The following VOPP1 variants were observed in gnomAD, a reference collection of about 807,000 sequenced individuals.
VOPP1 encodes the protein VOPP1 WW domain binding protein.
A neutral mutation model predicts 23.5 loss-of-function variants in VOPP1; 8 were observed. That is an observed-to-expected ratio of 0.34 (90% CI 0.20 to 0.61). VOPP1 has a LOEUF of 0.61. Ranked by LOEUF, VOPP1 falls within the 20% of genes least tolerant of loss-of-function variation. The pLI, the probability that VOPP1 is intolerant of heterozygous loss-of-function variation, is 0.78. For missense variants in VOPP1, 174 were observed against 238.1 expected, an observed-to-expected ratio of 0.73 and a Z score of 1.77; for synonymous variants, 83 against 97.3, an observed-to-expected ratio of 0.85 and a Z score of 0.86.
chr7:55,536,358 G>A lies in VOPP1; in HGVS notation c.55-15228C>T, dbSNP rs373832886. On this transcript the variant is annotated intron_variant, in intron 1 of 4. Coordinates refer to ENST00000285279, the MANE Select transcript of VOPP1 (RefSeq NM_030796.5). Reference sequence around the variant, plus strand: ...AACCTGGCCAACATGGTGAAACCCCGTCTCTACTAAAAATACAAAAATTAG... The same window carrying A: ...AACCTGGCCAACATGGTGAAACCCCATCTCTACTAAAAATACAAAAATTAG... 1.8e-4 allele frequency among the ~76,000 whole-genome samples: 27 copies of A among 152,160 alleles called. No individual in the cohort carries two copies. In the East Asian group the frequency reaches 2.1e-3, roughly 12 times the overall value.
intron 4 of VOPP1, among the ~76,000 whole-genome samples, chr7:55,436,631 C>CGT (rs375341872): frequency 2.2e-5 from 3 of 134,904 alleles, no homozygotes; most frequent in Non-Finnish European, 3.3e-5. Flanking sequence ...TGTGTGTGTG[C>CGT]GTGTGTGTGC....
At chr7:55,539,040 A>AAG (rs1554299112) in intron 1 of VOPP1, among the ~76,000 whole-genome samples, 28 of 47,808 alleles carry the variant, frequency 5.9e-4, no homozygotes, top group South Asian at 1.8e-3. Flanking sequence ...TTAAAAAAAA[A>AAG]GGGGGGGGGG....
chr7:55,526,524 G>A (rs1796202104), intron 1 of VOPP1, among the ~76,000 whole-genome samples: 1 of 152,180 alleles, frequency 6.6e-6, no homozygotes, highest in African/African-American at 2.4e-5. Flanking sequence ...CGCACCACAG[G>A]CAGGCACAGC....
intron 2 of VOPP1, among the ~76,000 whole-genome samples, chr7:55,501,632 C>A (rs1794374808): frequency 6.6e-6 from 1 of 152,140 alleles, no homozygotes; most frequent in Admixed American, 6.6e-5. Flanking sequence ...TATATATTGT[C>A]CTCAAGTGAT....
intron 1 of VOPP1, among the ~76,000 whole-genome samples, chr7:55,537,264 C>G (rs1195204912): frequency 6.6e-6 from 1 of 152,192 alleles, no homozygotes; most frequent in East Asian, 1.9e-4. Flanking sequence ...CAGCGTGCAG[C>G]AACATCTGGG....
chr7:55,512,369 T>C (rs768156501), intron 2 of VOPP1, among the ~76,000 whole-genome samples: 1 of 151,616 alleles, frequency 6.6e-6, no homozygotes, highest in Non-Finnish European at 1.5e-5. Context: ...GAGGTTGCAG[T>C]GAGCCGAGAT....
chr7:55,498,138 C>T (rs961791582), intron 2 of VOPP1, among the ~76,000 whole-genome samples: 5 of 152,262 alleles, frequency 3.3e-5, no homozygotes, highest in African/African-American at 1.2e-4. Context: ...AAAGCAGAGG[C>T]TGTGGAGTTA....
chr7:55,505,987 C>T (rs950790695), intron 2 of VOPP1, among the ~76,000 whole-genome samples: 11 of 152,152 alleles, frequency 7.2e-5, no homozygotes, highest in Non-Finnish European at 1.6e-4. Flanking sequence ...AAAGACCAAC[C>T]CAATAGGACC....
In VOPP1 at chr7:55,512,413, G is replaced by A. The variant is rs927495950; in HGVS notation, c.113+8659C>T. Among the ~76,000 whole-genome samples, 4 of 151,940 alleles carry A rather than the reference G, an allele frequency of 2.6e-5. No individual in the cohort carries two copies. The East Asian group carries it at 5.8e-4, about 22-fold the overall frequency. ...TGCATTCCAGCCTGGGCAAGAGTGA[G>A]ATTCCGTTTCAAAAAAAAAAGGAAA... On this transcript the variant is annotated intron_variant, in intron 2 of 4. Transcript: ENST00000285279.
chr7:55,571,278 T>G (rs1435254957), intron 1 of VOPP1, among the ~76,000 whole-genome samples: 1 of 152,204 alleles, frequency 6.6e-6, no homozygotes, highest in African/African-American at 2.4e-5. Context: ...CCTCCAACAT[T>G]TTGTAATAAT....
At chr7:55,455,284 A>C (rs1791338338) in intron 4 of VOPP1, among the ~76,000 whole-genome samples, 2 of 152,250 alleles carry the variant, frequency 1.3e-5, no homozygotes. Context: ...AGAACTACAA[A>C]CCACTGCTCA....
intron 3 of VOPP1, among the ~76,000 whole-genome samples, chr7:55,496,303 A>C (rs892677117): frequency 0.025 from 6 of 236 alleles, no homozygotes; most frequent in Non-Finnish European, 0.053. Flanking sequence ...TCCCAGGAGG[A>C]GGCTCCGGAG....
At chr7:55,448,670 C>A (rs1791163180) in intron 4 of VOPP1, among the ~76,000 whole-genome samples, 1 of 152,194 alleles carries the variant, frequency 6.6e-6, no homozygotes, top group African/African-American at 2.4e-5. Flanking sequence ...AAGGGAGAGA[C>A]CTTGGGGCCT....
intron 1 of VOPP1, among the ~76,000 whole-genome samples, chr7:55,539,887 A>G (rs1192054179): frequency 7.0e-6 from 1 of 143,436 alleles, no homozygotes. Context: ...ACGGGCGCAT[A>G]ACATAAGCGC....
intron 2 of VOPP1, among the ~76,000 whole-genome samples, chr7:55,507,242 T>C (rs1384529749): frequency 6.6e-6 from 1 of 152,146 alleles, no homozygotes; most frequent in Non-Finnish European, 1.5e-5. Context: ...AAAACACCCG[T>C]GCCTGCTGGC....
intron 4 of VOPP1, among the ~76,000 whole-genome samples, chr7:55,477,083 C>T (rs961250864): frequency 1.3e-5 from 2 of 152,196 alleles, no homozygotes; most frequent in African/African-American, 4.8e-5. Context: ...TCTGGTCTGG[C>T]TAATTGCCAT....
At chr7:55,528,301 A>G (rs1292253911) in intron 1 of VOPP1, among the ~76,000 whole-genome samples, 1 of 152,226 alleles carries the variant, frequency 6.6e-6, no homozygotes, top group Non-Finnish European at 1.5e-5. Context: ...CGAAATACTG[A>G]CAACTAATTA....
At chr7:55,533,572 A>T (rs973154991) in intron 1 of VOPP1, among the ~76,000 whole-genome samples, 2 of 152,134 alleles carry the variant, frequency 1.3e-5, no homozygotes, top group African/African-American at 4.8e-5. Context: ...ACATCAGGGA[A>T]CCTTCCGGAC....
intron 4 of VOPP1, among the ~76,000 whole-genome samples, chr7:55,478,992 C>T (rs925887331): frequency 2.6e-5 from 4 of 152,108 alleles, no homozygotes; most frequent in Admixed American, 2.0e-4. Context: ...GAGCCCGGCC[C>T]GAGGATGCTG....
Sources: gnomAD v4.1 joint callset for allele counts (sites outside exome capture counted in the v4.1 genomes callset) on GRCh38, gnomAD v4.1.1 for gene constraint, MANE v1.5 for transcripts, NCBI Gene and HGNC (gene_info 2026-07-23, HGNC 2026-07-21) for gene names.